HS3ST4: variants seen among roughly 807,000 people sequenced by gnomAD.
HS3ST4 encodes the protein heparan sulfate-glucosamine 3-sulfotransferase 4, also known as heparan sulfate glucosamine 3-O-sulfotransferase 4.
A neutral mutation model predicts 29.2 loss-of-function variants in HS3ST4; 17 were observed. The observed-to-expected ratio is 0.58, with a 90% CI of 0.40 to 0.87. HS3ST4 has a LOEUF of 0.87. Among genes scored for constraint, HS3ST4 ranks in the 40% least tolerant of loss-of-function variants. The pLI, the probability that HS3ST4 is intolerant of heterozygous loss-of-function variation, is 0.00. For synonymous variants in HS3ST4, 314 were observed against 285.7 expected (o/e 1.10, Z -1.00); for missense variants, 627 against 634.5 (o/e 0.99, Z 0.13).
intron 1 of HS3ST4, among the ~76,000 whole-genome samples, chr16:26,049,470 C>CTGTG (rs113562359): frequency 0.1 from 14,432 of 144,990 alleles, 1,446 homozygotes; most frequent in African/African-American, 0.25. Context: ...ATGCGTGCCT[C>CTGTG]TGTGTGTGTG....
intron 1 of HS3ST4, among the ~76,000 whole-genome samples, chr16:25,971,370 T>C (rs112870289): frequency 2.4e-4 from 36 of 152,234 alleles, no homozygotes; most frequent in African/African-American, 7.7e-4. Context: ...ATGCAATCTG[T>C]TTTTCACTCA....
chr16:25,920,198 A>G (rs1419202225), intron 1 of HS3ST4, among the ~76,000 whole-genome samples: 4 of 152,102 alleles, frequency 2.6e-5, no homozygotes, highest in Admixed American at 2.0e-4. Context: ...GCAGTAACCT[A>G]AGCTGCTCTC....
chr16:25,828,301 C>CCTCTCTCTCTCTCTCTCTCTCT (rs1196055715), intron 1 of HS3ST4, among the ~76,000 whole-genome samples: 1 of 32,898 alleles, frequency 3.0e-5, no homozygotes, highest in Non-Finnish European at 5.5e-5. Flanking sequence ...TCTTTCTTTC[C>CCTCTCTCTCTCTCTCTCTCTCT]CTCTCTCTCT....
intron 1 of HS3ST4, among the ~76,000 whole-genome samples, chr16:25,761,505 A>AGGTC (rs1966788475): frequency 6.6e-6 from 1 of 152,228 alleles, no homozygotes; most frequent in South Asian, 2.1e-4. Flanking sequence ...ACTGATTGGC[A>AGGTC]GGTCAGCCAG....
intron 1 of HS3ST4, among the ~76,000 whole-genome samples, chr16:25,870,252 C>A (rs13334046): frequency 0.076 from 11,549 of 152,064 alleles, 1,421 homozygotes; most frequent in African/African-American, 0.26. Flanking sequence ...TCCATATATC[C>A]CCTTTCTAGG....
chr16:26,091,592 G>A (rs1898858040), intron 1 of HS3ST4, among the ~76,000 whole-genome samples: 1 of 152,036 alleles, frequency 6.6e-6, no homozygotes, highest in South Asian at 2.1e-4. Context: ...GGGACTTCTG[G>A]GCAAAGGGTA....
At chr16:25,946,752 C>T (rs528781270) in intron 1 of HS3ST4, among the ~76,000 whole-genome samples, 114 of 152,162 alleles carry the variant, frequency 7.5e-4, no homozygotes, top group Non-Finnish European at 1.2e-3. Context: ...TTTACCTAAC[C>T]AAACAGATCA....
intron 1 of HS3ST4, among the ~76,000 whole-genome samples, chr16:25,744,356 A>C (rs951741317): frequency 6.6e-6 from 1 of 152,194 alleles, no homozygotes; most frequent in Non-Finnish European, 1.5e-5. Context: ...CACCTAGTAC[A>C]CTGGATAATC....
chr16:25,869,823 A>T (rs796410139), intron 1 of HS3ST4, among the ~76,000 whole-genome samples: 3 of 152,160 alleles, frequency 2.0e-5, no homozygotes, highest in Non-Finnish European at 4.4e-5. Flanking sequence ...GGGCATTTAC[A>T]TGTGTTGTTT....
At chr16:25,853,805 C>T (rs994451129) in intron 1 of HS3ST4, among the ~76,000 whole-genome samples, 15 of 152,018 alleles carry the variant, frequency 9.9e-5, no homozygotes, top group African/African-American at 3.4e-4. Flanking sequence ...AAATATTGGC[C>T]TGTAATTTTC....
chr16:25,820,010 C>CAAAAAAAAAAAAAAAAAAAAA lies in HS3ST4; in HGVS notation c.734+126878_734+126898dup, dbSNP rs142336784. Among the ~76,000 whole-genome samples the CAAAAAAAAAAAAAAAAAAAAA allele has an allele frequency of 3.0e-4, 14 of 46,926 alleles. 2 individuals carry two copies. Among genetic ancestry groups the CAAAAAAAAAAAAAAAAAAAAA allele is most frequent in the Admixed American group, 1.0e-3 (3 of 2,908 alleles). 30.8% of individuals were successfully genotyped at this position (46,926 alleles called of 152,430 possible). A position where few individuals can be genotyped will look rare whatever the true frequency, so the allele number is the denominator to read the frequency against. ...TGGGTGACAGAGTGATACTCTGTCT[C>CAAAAAAAAAAAAAAAAAAAAA]AAAAAAAAAAAAAAAAAAAAAAAAA... On this transcript the variant is annotated intron_variant, in intron 1 of 1. Transcript: ENST00000331351.
At chr16:26,124,728 G>T (rs1406831843) in intron 1 of HS3ST4, among the ~76,000 whole-genome samples, 1 of 152,146 alleles carries the variant, frequency 6.6e-6, no homozygotes, top group Admixed American at 6.5e-5. Context: ...CATAGCTGTG[G>T]GGGCCTTCTA....
chr16:25,756,713 G>A (rs888699240), intron 1 of HS3ST4, among the ~76,000 whole-genome samples: 3 of 152,170 alleles, frequency 2.0e-5, no homozygotes, highest in African/African-American at 7.2e-5. Flanking sequence ...GTGTGAAACA[G>A]ATGTCACTGG....
At position 26,057,620 on chromosome 16, in the gene HS3ST4, G is replaced by A. The variant is rs554362484; in HGVS notation, c.735-77992G>A. 3.6e-4 allele frequency among the ~76,000 whole-genome samples: 55 copies of A among 152,292 alleles called. No homozygotes were observed. The South Asian group carries it at 0.011, about 31-fold the overall frequency. On this transcript the variant is annotated intron_variant, in intron 1 of 1. Transcript: ENST00000331351. The stretch of plus-strand genomic sequence containing the variant: ...ATACAAAAATTAGCTGAGTGTGGTG[G>A]TGCACACCTATAGTCCCAGCTACTC...
At chr16:25,752,359 A>G (rs1391046632) in intron 1 of HS3ST4, among the ~76,000 whole-genome samples, 1 of 152,174 alleles carries the variant, frequency 6.6e-6, no homozygotes, top group Non-Finnish European at 1.5e-5. Context: ...TGGACAAGAA[A>G]GGCCATTTTG....
At chr16:25,804,504 A>G (rs945740353) in intron 1 of HS3ST4, among the ~76,000 whole-genome samples, 2 of 152,106 alleles carry the variant, frequency 1.3e-5, no homozygotes, top group African/African-American at 4.8e-5. Flanking sequence ...TTATTTTACA[A>G]AGTCTGTGTT....
chr16:25,848,644 C>T (rs1331806420), intron 1 of HS3ST4, among the ~76,000 whole-genome samples: 1 of 151,934 alleles, frequency 6.6e-6, no homozygotes, highest in Non-Finnish European at 1.5e-5. Context: ...TTTGTGCTCT[C>T]TTTATTTCTT....
intron 1 of HS3ST4, among the ~76,000 whole-genome samples, chr16:25,742,967 C>A (rs1200145877): frequency 6.6e-6 from 1 of 152,140 alleles, no homozygotes; most frequent in African/African-American, 2.4e-5. Context: ...GTTATACAAA[C>A]CCAGCATATC....
intron 1 of HS3ST4, among the ~76,000 whole-genome samples, chr16:26,010,237 T>C (rs1969298045): frequency 6.6e-6 from 1 of 152,170 alleles, no homozygotes. Context: ...GTGGATCACC[T>C]GAGGTCAGGA....
Sources: gnomAD v4.1 joint callset for allele counts (sites outside exome capture counted in the v4.1 genomes callset) on GRCh38, gnomAD v4.1.1 for gene constraint, MANE v1.5 for transcripts, NCBI Gene and HGNC (gene_info 2026-07-23, HGNC 2026-07-21) for gene names.